MAP3K12: variants seen among roughly 807,000 people sequenced by gnomAD.
MAP3K12 encodes the protein mitogen-activated protein kinase kinase kinase 12.
MAP3K12 carries 14 observed loss-of-function variants against 87.5 expected under a neutral mutation model. The ratio of observed to expected loss-of-function variants is 0.16; its 90% CI spans 0.11 to 0.25. The LOEUF (loss-of-function observed/expected upper bound fraction) is 0.25. Among genes scored for constraint, MAP3K12 ranks in the 10% least tolerant of loss-of-function variants. MAP3K12 has a pLI of 1.00. For missense variants in MAP3K12, 802 were observed against 1,140.4 expected (o/e 0.70, Z 4.27); for synonymous variants, 469 against 452.5 (o/e 1.04, Z -0.46).
At chr12:53,491,997 C>T (rs2137223181) in intron 1 of MAP3K12, among the ~76,000 whole-genome samples, 1 of 151,334 alleles carries the variant, frequency 6.6e-6, no homozygotes, top group Middle Eastern at 3.4e-3. Context: ...ATCGCTTGAG[C>T]CCAGGAGGTG....
At chr12:53,501,076 A>G, upstream of MAP3K12, 1 of 369,478 alleles carries the variant, frequency 2.7e-6, no homozygotes, top group Non-Finnish European at 5.1e-6. Flanking sequence ...ACGGACCGGG[A>G]GAGAGGGGGC....
intron 1 of MAP3K12, chr12:53,493,217 G>A (rs1486045966): frequency 6.6e-6 from 1 of 152,282 alleles, no homozygotes; most frequent in Non-Finnish European, 1.5e-5. Context: ...CGCGACGTGG[G>A]GGCGGGGCTG....
At position 53,483,067 on chromosome 12, in the gene MAP3K12, C is replaced by T. The variant is rs1159568251; in HGVS notation, c.1736G>A (p.Arg579His). 5.8e-6 allele frequency: 9 copies of T among 1,540,078 alleles called. No homozygotes were observed. The highest frequency in any genetic ancestry group is 2.3e-5 in the East Asian group (1 of 44,234). Residue 579 changes from arginine (R) to histidine (H), a missense_variant, in exon 11 of 14, where the codon CGT (arginine) becomes CAT (histidine). This residue lies in a region of MAP3K12 where 490 missense variants were observed against 496.6 expected (regional missense o/e 0.99). Transcript: ENST00000547488. ...CCCCTTGGCGCTGGCCTTGCGGTGA[C>T]GGGTCTTGCCACGGCGACTCCGTCC... ...SPGRSRRGKT[R>H]HRKASAKGSC...
At chr12:53,498,935 T>G (rs1943603740) in intron 1 of MAP3K12, among the ~76,000 whole-genome samples, 1 of 2,864 alleles carries the variant, frequency 3.5e-4, no homozygotes. Context: ...TGTGTGTGTG[T>G]GTGTGTGTGT....
At position 53,487,062 on chromosome 12, in the gene MAP3K12, C is replaced by T. The variant is rs753640267; in HGVS notation, c.330G>A (p.Val110=). Residue 110 remains valine (V), a synonymous_variant, in exon 2 of 14, where the codon GTG becomes GTA. Coordinates refer to ENST00000547488, the MANE Select transcript of MAP3K12 (RefSeq NM_001193511.2). ...SRASRVRADE[V]RLQCQSGSGF... is the part of the protein sequence containing the mutation. ...CACTGCCACTCTGGCACTGCAGTCG[C>T]ACCTCGTCAGCTCGAACTCTGGATG... 2.5e-6 allele frequency: 4 copies of T among 1,614,064 alleles called. No individual in the cohort carries two copies. In the South Asian group the frequency reaches 3.3e-5, roughly 13 times the overall value.
At chr12:53,495,339 CAAAAAAAAAAAAA>C (rs10647631) in intron 1 of MAP3K12, among the ~76,000 whole-genome samples, 4 of 19,352 alleles carry the variant, frequency 2.1e-4, no homozygotes, top group South Asian at 5.3e-3. Context: ...ACTCTGTCTC[CAAAAAAAAAAAAA>C]AAAAAAAAAA....
At chr12:53,491,301 A>AAAAAAAAAAAAAAAGAAAAAG (rs796169121) in intron 1 of MAP3K12, among the ~76,000 whole-genome samples, 6 of 101,600 alleles carry the variant, frequency 5.9e-5, no homozygotes, top group African/African-American at 1.1e-4. Flanking sequence ...AAAAAAAAAA[A>AAAAAAAAAAAAAAAGAAAAAG]AAAAGAAAAG....
At chr12:53,481,843 G>A in intron 13 of MAP3K12, 98 bp downstream of exon 13, 1 of 1,433,288 alleles carries the variant, frequency 7.0e-7, no homozygotes, top group Admixed American at 2.0e-5. Context: ...GGTACTTTCT[G>A]GCCTGTGCAG....
intron 13 of MAP3K12, 119 bp from the exon 14 acceptor site, chr12:53,481,399 G>C: frequency 7.4e-6 from 3 of 406,048 alleles, no homozygotes; most frequent in Non-Finnish European, 1.3e-5. Flanking sequence ...GCCCAGGCTG[G>C]AGTGCAGTAG....
Position 53,482,980 on chromosome 12 carries a change from C to T in MAP3K12, c.1823G>A (p.Gly608Glu), listed in dbSNP as rs1565884189. 1 of 1,579,656 alleles carries T rather than the reference C, an allele frequency of 6.3e-7. No homozygotes were observed. Among genetic ancestry groups the T allele is most frequent in the Admixed American group, 1.8e-5 (1 of 55,044 alleles). Residue 608 changes from glycine to glutamate, a missense_variant, in exon 11 of 14, where the codon GGA (glycine) becomes GAA (glutamate). By Grantham distance (98) the Gly-to-Glu change is moderately conservative (BLOSUM62 -2). Coordinates refer to ENST00000547488, the MANE Select transcript of MAP3K12 (RefSeq NM_001193511.2). The stretch of plus-strand genomic sequence containing the variant: ...TCCCCCTCCTAGGCCCCCTGGGCTT[C>T]CTGGTCCTCCAGGTTCATGGGGTGG... ...AVPPHEPGGP[G>E]SPGGLGGGPS... is the part of the protein sequence containing the mutation.
At position 53,481,843 on chromosome 12, in the gene MAP3K12, G is replaced by C. The variant is rs1943061314; in HGVS notation, c.2580+98C>G. ...ATATTTGCTCTTTATGGTACTTTCT[G>C]GCCTGTGCAGCTGTCTCCCCAAAAG... On this transcript the variant is annotated intron_variant, in intron 13 of 13. Transcript: ENST00000547488. 9.1e-6 allele frequency: 13 copies of C among 1,433,288 alleles called. No individual in the cohort carries two copies. In the East Asian group the frequency reaches 2.8e-4, roughly 30 times the overall value. 88.8% of individuals were successfully genotyped at this position (1,433,288 alleles called of 1,614,324 possible). A position where few individuals can be genotyped will look rare whatever the true frequency, so the allele number is the denominator to read the frequency against.
upstream of MAP3K12, chr12:53,501,331 C>A: frequency 6.6e-7 from 1 of 1,514,518 alleles, no homozygotes; most frequent in Admixed American, 2.0e-5. Context: ...GGCTTGGCCC[C>A]GGCCCTAGCT....
At chr12:53,487,568 A>G (rs1036716809) in intron 1 of MAP3K12, 140 bp from the exon 2 acceptor site, 3 of 781,230 alleles carry the variant, frequency 3.8e-6, no homozygotes, top group Non-Finnish European at 5.9e-6. Context: ...TCCGTTTCCC[A>G]TGGCCCTCCA....
intron 10 of MAP3K12, 55 bp downstream of exon 10, chr12:53,483,294 G>C: frequency 6.3e-7 from 1 of 1,595,052 alleles, no homozygotes; most frequent in Non-Finnish European, 8.5e-7. Flanking sequence ...TAATATACCT[G>C]TTGCCACTTC....
chr12:53,494,909 C>CT (rs1342343903), intron 1 of MAP3K12, among the ~76,000 whole-genome samples: 1 of 152,110 alleles, frequency 6.6e-6, no homozygotes, highest in African/African-American at 2.4e-5. Context: ...CAGGGTCTCG[C>CT]TTTGTTGCCC....
intron 1 of MAP3K12, chr12:53,493,213 G>A (rs963722891): frequency 1.3e-5 from 2 of 152,266 alleles, no homozygotes; most frequent in Middle Eastern, 3.1e-3. Context: ...TGAGCGCGAC[G>A]TGGGGGCGGG....
Position 53,484,310 on chromosome 12 carries a change from T to C in MAP3K12, c.1195A>G (p.Ile399Val). 1 of 1,614,204 alleles carries C rather than the reference T, an allele frequency of 6.2e-7. No individual in the cohort carries two copies. The change falls in exon 7 of 14, where the codon ATT becomes GTT. Residue 399 changes from isoleucine to valine, a missense_variant. This residue lies in a region of MAP3K12 where 99 missense variants were observed against 193.4 expected (regional missense o/e 0.51). Coordinates refer to ENST00000547488, the MANE Select transcript of MAP3K12 (RefSeq NM_001193511.2). ...GTGGAGAGTACATCAGCTGAGGCAA[T>C]GTCCAGATGCAGCAGGATCTGTCGG... ...SFRQILLHLD[I>V]ASADVLSTPQ...
Position 53,479,671 on chromosome 12 carries a change from G to GTTTTTTTTTTTTTTGGTT in MAP3K12, c.*1510_*1511insAACCAAAAAAAAAAAAAA. 2.5e-5 allele frequency: 5 copies of GTTTTTTTTTTTTTTGGTT among 202,170 alleles called. No individual in the cohort carries two copies. Among genetic ancestry groups the GTTTTTTTTTTTTTTGGTT allele is most frequent in the East Asian group, 1.7e-4 (2 of 11,736 alleles). 12.5% of individuals were successfully genotyped at this position (202,170 alleles called of 1,614,324 possible). A position where few individuals can be genotyped will look rare whatever the true frequency, so the allele number is the denominator to read the frequency against. On this transcript the variant is annotated 3_prime_UTR_variant, in exon 14 of 14. Coordinates refer to ENST00000547488, the MANE Select transcript of MAP3K12 (RefSeq NM_001193511.2). ...ATTTAGTTTTATAAGCTTCTCCCTG[G>GTTTTTTTTTTTTTTGGTT]TTTTTTTTTTTTGGCTCATGAATTT...
intron 9 of MAP3K12, 39 bp downstream of exon 9, chr12:53,483,568 C>T (rs1943138475): frequency 6.2e-7 from 1 of 1,613,908 alleles, no homozygotes; most frequent in African/African-American, 1.3e-5. Flanking sequence ...AAGGCAGGCA[C>T]AGCTCCAGGG....
Sources: gnomAD v4.1 joint callset for allele counts (sites outside exome capture counted in the v4.1 genomes callset) on GRCh38, gnomAD v4.1.1 for gene constraint, gnomAD v4.1.1 regional missense constraint, MANE v1.5 for transcripts, NCBI Gene and HGNC (gene_info 2026-07-23, HGNC 2026-07-21) for gene names.